BMP2K: variants seen among roughly 807,000 people sequenced by gnomAD.
BMP2K encodes the protein BMP2 inducible kinase, also known as BMP-2-inducible protein kinase.
BMP2K carries 74 observed loss-of-function variants against 116.0 expected under a neutral mutation model. The ratio of observed to expected loss-of-function variants is 0.64; its 90% CI spans 0.53 to 0.77. BMP2K has a LOEUF of 0.77. Ranked by LOEUF, BMP2K falls within the 30% of genes least tolerant of loss-of-function variation. The pLI is 0.00. For missense variants in BMP2K, 1,365 were observed against 1,403.6 expected, an observed-to-expected ratio of 0.97 and a Z score of 0.44; for synonymous variants, 486 against 502.5, an observed-to-expected ratio of 0.97 and a Z score of 0.44.
intron 1 of BMP2K, among the ~76,000 whole-genome samples, chr4:78,800,651 A>G (rs1285109703): frequency 6.6e-6 from 1 of 152,186 alleles, no homozygotes; most frequent in African/African-American, 2.4e-5. Context: ...TCATGTTAAT[A>G]CTTTAAATTG....
chr4:78,839,110 CTT>C (rs1320677917), intron 3 of BMP2K, among the ~76,000 whole-genome samples: 1 of 152,122 alleles, frequency 6.6e-6, no homozygotes, highest in African/African-American at 2.4e-5. Flanking sequence ...CATAAAATAA[CTT>C]TCGTTTATTA....
intron 1 of BMP2K, among the ~76,000 whole-genome samples, chr4:78,811,598 C>T (rs1011170830): frequency 7.7e-4 from 117 of 152,218 alleles, no homozygotes; most frequent in African/African-American, 2.7e-3. Flanking sequence ...ATAAAAGTAA[C>T]AACAAAATTG....
chr4:78,883,559 A>G (rs1286176097), intron 14 of BMP2K, among the ~76,000 whole-genome samples: 1 of 152,150 alleles, frequency 6.6e-6, no homozygotes, highest in East Asian at 1.9e-4. Flanking sequence ...CCATATTTTT[A>G]CTTATAGGGA....
intron 15 of BMP2K, among the ~76,000 whole-genome samples, chr4:78,887,824 A>G (rs978771939): frequency 6.6e-6 from 1 of 152,208 alleles, no homozygotes; most frequent in Non-Finnish European, 1.5e-5. Flanking sequence ...AGGATCGTGC[A>G]TTGGCATAAA....
chr4:78,829,004 G>A (rs146527058), intron 2 of BMP2K, among the ~76,000 whole-genome samples: 1 of 152,264 alleles, frequency 6.6e-6, no homozygotes, highest in African/African-American at 2.4e-5. Context: ...GACCTTGAGC[G>A]GTAGGATATA....
At chr4:78,834,512 C>G (rs939346321) in intron 3 of BMP2K, among the ~76,000 whole-genome samples, 1 of 152,164 alleles carries the variant, frequency 6.6e-6, no homozygotes, top group East Asian at 1.9e-4. Flanking sequence ...CCGCCCGCCT[C>G]AGCCTCCCAA....
At position 78,915,117 on chromosome 4, in the gene BMP2K, T is replaced by C. The variant is rs923154485; in HGVS notation, c.*3084T>C. ...TGACTAGAACATTTATTCAGGAGTGTAATTATTTTCCCTTACCCCAATCCC... is the reference window on the plus strand; with the variant it reads ...TGACTAGAACATTTATTCAGGAGTGCAATTATTTTCCCTTACCCCAATCCC... On this transcript the variant is annotated 3_prime_UTR_variant, in exon 16 of 16. Transcript: ENST00000502613. 9.2e-5 allele frequency: 14 copies of C among 152,138 alleles called. No individual in the cohort carries two copies. The highest frequency in any genetic ancestry group is 3.4e-4 in the African/African-American group (14 of 41,558). The allele number at this position is 152,138 out of a possible 1,614,324, so 9.4% of individuals were successfully genotyped here. A position where few individuals can be genotyped will look rare whatever the true frequency, so the allele number is the denominator to read the frequency against.
rs776225825 is a variant in BMP2K at position 78,911,576 on chromosome 4, C to T, written c.3029C>T (p.Pro1010Leu). ...TPTSTKKTLK[P>L]TYRTPERARR... ...ACTAGCACAAAGAAGACTTTGAAGC[C>T]TACCTATCGCACTCCAGAGAGGGCT... The change falls in exon 16 of 16, where the codon CCT becomes CTT. Residue 1010 changes from proline (P) to leucine (L), a missense_variant. By Grantham distance (98) the Pro-to-Leu change is moderately conservative. Transcript: ENST00000502613. 74 of 1,613,896 alleles carry T rather than the reference C, an allele frequency of 4.6e-5. No homozygotes were observed. The highest frequency in any genetic ancestry group is 5.5e-5 in the Non-Finnish European group (65 of 1,179,888).
chr4:78,863,611 A>G (rs1218527573), intron 9 of BMP2K, among the ~76,000 whole-genome samples: 3 of 152,172 alleles, frequency 2.0e-5, no homozygotes, highest in Non-Finnish European at 2.9e-5. Context: ...GATTTTGTTC[A>G]GGTGATGGCA....
At position 78,874,562 on chromosome 4, in the gene BMP2K, C is replaced by G. The variant is rs113587556; in HGVS notation, c.1793+1764C>G. Reference sequence around the variant, plus strand: ...CTAACTAGCATAAAAAATGTCAAATCTAGTTTATTTAGTTGGAAAATAGAA... The same window carrying G: ...CTAACTAGCATAAAAAATGTCAAATGTAGTTTATTTAGTTGGAAAATAGAA... On this transcript the variant is annotated intron_variant, in intron 13 of 15. Transcript: ENST00000502613. Among the ~76,000 whole-genome samples, 2 of 152,174 alleles carry G rather than the reference C, an allele frequency of 1.3e-5. 1 individual carries two copies. Among genetic ancestry groups the G allele is most frequent in the African/African-American group, 4.8e-5 (2 of 41,512 alleles).
intron 9 of BMP2K, among the ~76,000 whole-genome samples, chr4:78,864,133 C>T (rs570177040): frequency 1.3e-5 from 2 of 152,154 alleles, no homozygotes; most frequent in East Asian, 3.9e-4. Flanking sequence ...TAATATGCTT[C>T]TTAGGGCTTT....
intron 6 of BMP2K, among the ~76,000 whole-genome samples, chr4:78,848,579 T>G (rs1731114168): frequency 6.6e-6 from 1 of 151,538 alleles, no homozygotes; most frequent in Non-Finnish European, 1.5e-5. Flanking sequence ...ATTGAAGGTT[T>G]ACTGCAGAAA....
At chr4:78,882,786 T>C (rs184460672) in intron 14 of BMP2K, among the ~76,000 whole-genome samples, 174 of 152,164 alleles carry the variant, frequency 1.1e-3, no homozygotes, top group African/African-American at 4.1e-3. Flanking sequence ...GATTGCTTTA[T>C]AAATTCTACT....
At chr4:78,777,867 A>G (rs530314181) in intron 1 of BMP2K, among the ~76,000 whole-genome samples, 1 of 152,388 alleles carries the variant, frequency 6.6e-6, no homozygotes, top group African/African-American at 2.4e-5. Context: ...GAAATCGTGA[A>G]TTATTCAAGT....
chr4:78,837,600 T>C (rs755783976), intron 3 of BMP2K, among the ~76,000 whole-genome samples: 1 of 152,114 alleles, frequency 6.6e-6, no homozygotes, highest in African/African-American at 2.4e-5. Context: ...GCTGCAAATC[T>C]TTTGTTGTCT....
intron 15 of BMP2K, among the ~76,000 whole-genome samples, chr4:78,894,823 G>A (rs546049862): frequency 6.6e-6 from 1 of 152,262 alleles, no homozygotes; most frequent in African/African-American, 2.4e-5. Context: ...TTGATTTAAA[G>A]TGACAGATGC....
chr4:78,868,718 C>T (rs772607830), intron 10 of BMP2K, among the ~76,000 whole-genome samples: 5 of 152,086 alleles, frequency 3.3e-5, no homozygotes, highest in South Asian at 2.1e-4. Context: ...GGGGTTACAG[C>T]GCCCATACAA....
chr4:78,872,074 C>A, intron 12 of BMP2K, 126 bp downstream of exon 12: 1 of 698,546 alleles, frequency 1.4e-6, no homozygotes, highest in East Asian at 2.9e-5. Context: ...TGTATTTTAT[C>A]AAAGCCAGTC....
intron 4 of BMP2K, among the ~76,000 whole-genome samples, chr4:78,843,137 A>G (rs1451445271): frequency 6.6e-6 from 1 of 151,982 alleles, no homozygotes; most frequent in Non-Finnish European, 1.5e-5. Flanking sequence ...GATATAATTT[A>G]TAACTGCAGG....
Sources: gnomAD v4.1 joint callset for allele counts (sites outside exome capture counted in the v4.1 genomes callset) on GRCh38, gnomAD v4.1.1 for gene constraint, MANE v1.5 for transcripts, NCBI Gene and HGNC (gene_info 2026-07-23, HGNC 2026-07-21) for gene names.